Variants in CEP104 observed in about 807,000 individuals in gnomAD.
CEP104 encodes centrosomal protein 104.
In CEP104, 84 loss-of-function variants were observed where a neutral mutation model predicts 113.3. That is an observed-to-expected ratio of 0.74 (90% CI 0.62 to 0.89). The LOEUF is 0.89. CEP104 is among the 40% of genes least tolerant of loss of function. The probability of loss-of-function intolerance (pLI) is 0.00; values close to 1 mark genes in which losing one functional copy is unlikely to be tolerated. For synonymous variants in CEP104, 378 were observed against 421.7 expected, an observed-to-expected ratio of 0.90 and a Z score of 1.27; for missense variants, 1,053 against 1,156.6, an observed-to-expected ratio of 0.91 and a Z score of 1.30.
rs1643849476 is a variant in CEP104 at position 3,814,785 on chromosome 1, T to C, written c.*617A>G. ...AAAAAAACTACGATTAAAAAAAAGA[T>C]GTTCTCTTTTGCCTTTATTTCTTGC... On this transcript the variant is annotated 3_prime_UTR_variant, in exon 22 of 22. Transcript: ENST00000378230. 1 of 152,200 alleles carries C rather than the reference T, an allele frequency of 6.6e-6. No individual in the cohort carries two copies. Among genetic ancestry groups the C allele is most frequent in the Non-Finnish European group, 1.5e-5 (1 of 68,064 alleles). The allele number at this position is 152,200 out of a possible 1,614,324, so 9.4% of individuals were successfully genotyped here. A position where few individuals can be genotyped will look rare whatever the true frequency, so the allele number is the denominator to read the frequency against.
intron 3 of CEP104, 50 bp from the exon 4 acceptor site, chr1:3,847,663 A>G: frequency 6.3e-7 from 1 of 1,594,952 alleles, no homozygotes; most frequent in South Asian, 1.1e-5. Context: ...TGTTCAATAA[A>G]ACTGCTCCCT....
At chr1:3,828,656 G>T (rs535051688) in intron 15 of CEP104, among the ~76,000 whole-genome samples, 1 of 152,288 alleles carries the variant, frequency 6.6e-6, no homozygotes, top group South Asian at 2.1e-4. Context: ...CAGGTCTGCG[G>T]AACGGAAACT....
chr1:3,835,238 T>C (rs777341013), intron 10 of CEP104, 146 bp from the exon 11 acceptor site: 80 of 550,766 alleles, frequency 1.5e-4, no homozygotes, highest in Middle Eastern at 9.9e-4. Context: ...TTTCTAATAA[T>C]AGAACTTTTA....
chr1:3,847,613 G>A lies in CEP104; in HGVS notation c.288C>T (p.Gly96=), dbSNP rs576067863. 1 of 1,614,056 alleles carries A rather than the reference G, an allele frequency of 6.2e-7. No homozygotes were observed. Among genetic ancestry groups the A allele is most frequent in the Non-Finnish European group, 8.5e-7 (1 of 1,179,998 alleles). ...TTTCATTATCACAGAGAGACACGTA[G>A]CTGAAAAACAAAACACAACTGAAGA... ...PYQAERFRRL[G]YVSLCDNEKT... is the part of the protein sequence containing the mutation. Residue 96 remains glycine (G), a splice_region_variant and synonymous_variant, in exon 4 of 22, where the codon GGC becomes GGT. Transcript: ENST00000378230.
chr1:3,829,164 T>C (rs1644150335), intron 15 of CEP104, 102 bp downstream of exon 15: 4 of 804,328 alleles, frequency 5.0e-6, no homozygotes, highest in Non-Finnish European at 5.7e-6. Flanking sequence ...AGACGCTCAT[T>C]TGCATAATCC....
At chr1:3,816,048 G>A (rs193219996) in intron 21 of CEP104, 15 of 476,478 alleles carry the variant, frequency 3.1e-5, no homozygotes, top group Non-Finnish European at 3.7e-5. Flanking sequence ...TAGGCCACCC[G>A]TGGAGCCTTC....
intron 13 of CEP104, among the ~76,000 whole-genome samples, chr1:3,830,365 GA>G (rs1410289842): frequency 6.6e-6 from 1 of 152,024 alleles, no homozygotes; most frequent in Non-Finnish European, 1.5e-5. Context: ...AAGTATAATG[GA>G]AGTATTCCAG....
At position 3,848,766 on chromosome 1, in the gene CEP104, T is replaced by G. The variant is rs1276610899; in HGVS notation, c.129A>C (p.Pro43=). 3.7e-6 allele frequency: 6 copies of G among 1,607,788 alleles called. No individual in the cohort carries two copies. The East Asian group carries it at 6.7e-5, about 18-fold the overall frequency. ...CCACCATTTGAAGGACAATTTCTTG[T>G]GGAAACTGGCAAAATCTGAAAGCAA... ...GWRSPRFCQF[P]QEIVLQMVER... The change falls in exon 3 of 22, where the codon CCA becomes CCC. Residue 43 remains proline, a synonymous_variant. Transcript: ENST00000378230.
In CEP104 at chr1:3,837,372, A is replaced by C. The variant is rs1181742700; in HGVS notation, c.1039T>G (p.Ser347Ala). ...AEPFLQEKPSSYSLTISPQHS... is the reference protein window; with the variant it reads ...AEPFLQEKPSAYSLTISPQHS... ...TGAGGAGAAATAGTTAGAGAATATGATGAAGGCTTTTCCTGAAGGAAAGGT... is the reference window on the plus strand; with the variant it reads ...TGAGGAGAAATAGTTAGAGAATATGCTGAAGGCTTTTCCTGAAGGAAAGGT... The change falls in exon 9 of 22, where the codon TCA becomes GCA. Residue 347 changes from serine (S) to alanine (A), a missense_variant. Transcript: ENST00000378230. 6.2e-7 allele frequency: 1 copy of C among 1,614,212 alleles called. No individual in the cohort carries two copies. Among genetic ancestry groups the C allele is most frequent in the South Asian group, 1.1e-5 (1 of 91,082 alleles).
At chr1:3,828,810 A>G (rs6659687) in intron 15 of CEP104, among the ~76,000 whole-genome samples, 46,278 of 152,050 alleles carry the variant, frequency 0.3, 8,262 homozygotes, top group African/African-American at 0.49. Context: ...ATATTCAACC[A>G]AATAGTATTT....
At chr1:3,815,888 C>G (rs4648410) in intron 21 of CEP104, among the ~76,000 whole-genome samples, 98,215 of 151,978 alleles carry the variant, frequency 0.65, 33,182 homozygotes, top group African/African-American at 0.86. Context: ...TGGCCAGGCT[C>G]ATCTCGAACT....
At chr1:3,824,540 C>T (rs138227384) in intron 18 of CEP104, among the ~76,000 whole-genome samples, 243 of 152,322 alleles carry the variant, frequency 1.6e-3, no homozygotes, top group African/African-American at 4.9e-3. Flanking sequence ...CTTCAGACAG[C>T]GAAGACTGCA....
intron 15 of CEP104, among the ~76,000 whole-genome samples, chr1:3,827,936 G>A (rs1040518090): frequency 4.6e-5 from 7 of 152,338 alleles, no homozygotes; most frequent in South Asian, 4.1e-4. Context: ...ACGGAGAGGC[G>A]CTCCATAAAC....
intron 1 of CEP104, among the ~76,000 whole-genome samples, chr1:3,854,134 C>G (rs528168861): frequency 1.2e-4 from 19 of 152,274 alleles, no homozygotes; most frequent in Admixed American, 1.2e-3. Flanking sequence ...TCTCTTCACC[C>G]ACTCCCCATC....
At chr1:3,854,503 C>T (rs1233154390) in intron 1 of CEP104, among the ~76,000 whole-genome samples, 1 of 152,162 alleles carries the variant, frequency 6.6e-6, no homozygotes, top group Non-Finnish European at 1.5e-5. Flanking sequence ...GAGTCTCAAT[C>T]TATCACCCAG....
At chr1:3,833,697 A>G (rs1644258577) in intron 12 of CEP104, 165 bp downstream of exon 12, 1 of 582,988 alleles carries the variant, frequency 1.7e-6, no homozygotes, top group Non-Finnish European at 2.8e-6. Flanking sequence ...TTTATGTCTA[A>G]GACAAAACTG....
In CEP104 at chr1:3,848,638, G is replaced by T; in HGVS notation, c.257C>A (p.Pro86His). 1 of 1,613,290 alleles carries T rather than the reference G, an allele frequency of 6.2e-7. No individual in the cohort carries two copies. Among genetic ancestry groups the T allele is most frequent in the Non-Finnish European group, 8.5e-7 (1 of 1,179,842 alleles). The change falls in exon 3 of 22, where the codon CCC (proline) becomes CAC (histidine). Residue 86 changes from proline (P) to histidine (H), a missense_variant. Coordinates refer to ENST00000378230, the MANE Select transcript of CEP104 (RefSeq NM_014704.4). The part of the protein sequence containing the change: ...ISESLPEYFA[P>H]YQAERFRRLG... ...TCTTCGAAACCGCTCTGCTTGATAGGGTGCAAAATATTCAGGCAAGCTTTC... is the reference window on the plus strand; with the variant it reads ...TCTTCGAAACCGCTCTGCTTGATAGTGTGCAAAATATTCAGGCAAGCTTTC...
chr1:3,825,939 C>A, intron 17 of CEP104, 73 bp from the exon 18 acceptor site: 1 of 1,009,548 alleles, frequency 9.9e-7, no homozygotes, highest in Non-Finnish European at 1.6e-6. Context: ...TCCCACGTCA[C>A]GAGGAAATTC....
At chr1:3,817,291 G>A (rs547497372) in intron 20 of CEP104, among the ~76,000 whole-genome samples, 4 of 152,156 alleles carry the variant, frequency 2.6e-5, no homozygotes, top group Non-Finnish European at 5.9e-5. Flanking sequence ...GCAGTGAGCC[G>A]AGATCACATC....
Sources: allele counts gnomAD v4.1 joint callset (sites outside exome capture counted in the v4.1 genomes callset), GRCh38; gene constraint gnomAD v4.1.1; transcripts MANE v1.5; gene names NCBI Gene and HGNC (gene_info 2026-07-23, HGNC 2026-07-21).